GTF3C1: variants seen among roughly 807,000 people sequenced by gnomAD.
GTF3C1 encodes the protein general transcription factor IIIC subunit 1, also known as general transcription factor 3C polypeptide 1.
In GTF3C1, 57 loss-of-function variants were observed where a neutral mutation model predicts 226.7. The observed-to-expected ratio is 0.25, with a 90% confidence interval of 0.20 to 0.31. GTF3C1 has a LOEUF of 0.31. Among genes scored for constraint, GTF3C1 ranks in the 10% least tolerant of loss-of-function variants. GTF3C1 has a pLI of 1.00. For synonymous variants in GTF3C1, 1,090 were observed against 1,084.8 expected, an observed-to-expected ratio of 1.00 and a Z score of -0.09; for missense variants, 2,217 against 2,776.1, an observed-to-expected ratio of 0.80 and a Z score of 4.53.
intron 2 of GTF3C1, among the ~76,000 whole-genome samples, chr16:27,539,396 G>A (rs2089050329): frequency 1.3e-5 from 2 of 152,216 alleles, no homozygotes; most frequent in Admixed American, 1.3e-4. Flanking sequence ...ACTCATTTCT[G>A]TGCTGACACC....
chr16:27,478,226 CA>C (rs1271310853), intron 28 of GTF3C1, among the ~76,000 whole-genome samples: 2 of 151,954 alleles, frequency 1.3e-5, no homozygotes, highest in South Asian at 2.1e-4. Flanking sequence ...TTTGACTGTG[CA>C]GGGGGTCGGC....
rs117718897 is a variant in GTF3C1, at chr16:27,471,156, G to C, written c.4526+592C>G. 2.0e-5 allele frequency among the ~76,000 whole-genome samples: 3 copies of C among 152,264 alleles called. No homozygotes were observed. Among genetic ancestry groups the C allele is most frequent in the Non-Finnish European group, 4.4e-5 (3 of 68,040 alleles). On this transcript the variant is annotated intron_variant, in intron 30 of 36. Transcript: ENST00000356183. The surrounding 1 kb of genome is among the most constrained non-coding windows in gnomAD (Gnocchi z 5.0). ...ACTGCAGCCCCGTGCAGACCTGAGT[G>C]CGGGGAAGGAGAATGGTGTGAAGGG...
At chr16:27,541,754 C>A (rs142327976) in intron 2 of GTF3C1, among the ~76,000 whole-genome samples, 28 of 152,212 alleles carry the variant, frequency 1.8e-4, no homozygotes, top group Non-Finnish European at 4.0e-4. Flanking sequence ...AAGTGCAGTG[C>A]AGAGTGAAGA....
Position 27,489,162 on chromosome 16 carries a change from C to T in GTF3C1, c.3310G>A (p.Val1104Met). 5 of 1,614,190 alleles carry T rather than the reference C, an allele frequency of 3.1e-6. No individual in the cohort carries two copies. Among genetic ancestry groups the T allele is most frequent in the Non-Finnish European group, 4.2e-6 (5 of 1,180,026 alleles). The change falls in exon 21 of 37, where the codon GTG becomes ATG. Residue 1104 changes from valine to methionine, a missense_variant. Val to Met is a conservative substitution (Grantham distance 21). Coordinates refer to ENST00000356183, the MANE Select transcript of GTF3C1 (RefSeq NM_001520.4). ...TCTCCAGGGATCAAGCCTTCATCCA[C>T]CACCTCACGGCTTCCACTAAAAGAC... ...LEYTTGSREV[V>M]DEGLIPGDGL...
At chr16:27,516,070 G>C (rs1467629706) in intron 6 of GTF3C1, among the ~76,000 whole-genome samples, 2 of 152,240 alleles carry the variant, frequency 1.3e-5, no homozygotes, top group East Asian at 3.8e-4. Context: ...ATTCTGAACA[G>C]TACCACCAGC....
At chr16:27,481,328 G>A (rs1052212581) in intron 26 of GTF3C1, 137 bp from the exon 27 acceptor site, 3 of 691,796 alleles carry the variant, frequency 4.3e-6, no homozygotes, top group Admixed American at 4.5e-5. Context: ...TGCCTCCCCT[G>A]GTCACCTGTC....
At chr16:27,545,932 T>C (rs1311311900) in intron 1 of GTF3C1, among the ~76,000 whole-genome samples, 2 of 152,188 alleles carry the variant, frequency 1.3e-5, no homozygotes, top group Non-Finnish European at 2.9e-5. Flanking sequence ...CACTGCAACC[T>C]CCACTTCCCA....
At position 27,471,240 on chromosome 16, in the gene GTF3C1, A is replaced by T. The variant is rs1360142101; in HGVS notation, c.4526+508T>A. Among the ~76,000 whole-genome samples, 3 of 152,196 alleles carry T rather than the reference A, an allele frequency of 2.0e-5. No individual in the cohort carries two copies. Among genetic ancestry groups the T allele is most frequent in the Admixed American group, 2.0e-4 (3 of 15,282 alleles). ...CAGGGACTCTCTGCGTGTGGTCAGGAGGCTGGTGGTGCAACGCCCTCTGCG... is the reference window on the plus strand; with the variant it reads ...CAGGGACTCTCTGCGTGTGGTCAGGTGGCTGGTGGTGCAACGCCCTCTGCG... On this transcript the variant is annotated intron_variant, in intron 30 of 36. Transcript: ENST00000356183. This position sits in a 1 kb window ranked among gnomAD's most constrained non-coding sequence, Gnocchi z 5.0.
chr16:27,513,213 G>A (rs111716814), intron 6 of GTF3C1, among the ~76,000 whole-genome samples: 2 of 152,160 alleles, frequency 1.3e-5, no homozygotes, highest in African/African-American at 2.4e-5. Flanking sequence ...AGCACTTTGG[G>A]AGGCCAAAGC....
At position 27,461,639 on chromosome 16, in the gene GTF3C1, A is replaced by T. The variant is rs1490005562; in HGVS notation, c.6118-77T>A. ...TGATTTATTCTTCAAGCATTTATGGAATGCCCCCTCTGTACCAGGGAGCCA... is the reference window on the plus strand; with the variant it reads ...TGATTTATTCTTCAAGCATTTATGGTATGCCCCCTCTGTACCAGGGAGCCA... On this transcript the variant is annotated intron_variant, in intron 36 of 36. Coordinates refer to ENST00000356183, the MANE Select transcript of GTF3C1 (RefSeq NM_001520.4). This position sits in a 1 kb window ranked among gnomAD's most constrained non-coding sequence, Gnocchi z 5.3. 3 of 1,139,958 alleles carry T rather than the reference A, an allele frequency of 2.6e-6. No individual in the cohort carries two copies. The African/African-American group carries it at 4.5e-5, about 17-fold the overall frequency. The allele number at this position is 1,139,958 out of a possible 1,614,324, so 70.6% of individuals were successfully genotyped here.
intron 29 of GTF3C1, 92 bp downstream of exon 29, chr16:27,476,359 C>A: frequency 1.3e-6 from 1 of 757,756 alleles, no homozygotes; most frequent in Non-Finnish European, 2.3e-6. Context: ...GCCCAAGAGC[C>A]CACAGCGGAG....
chr16:27,465,669 TCACCTGCTGGGTGGA>T, intron 32 of GTF3C1, 129 bp from the exon 33 acceptor site: 1 of 727,072 alleles, frequency 1.4e-6, no homozygotes. Context: ...GCCACAGGGG[TCACCTGCTGGGTGGA>T]CACACTGGGC....
At chr16:27,499,500 C>T (rs2141391538) in intron 12 of GTF3C1, among the ~76,000 whole-genome samples, 1 of 152,326 alleles carries the variant, frequency 6.6e-6, no homozygotes, top group African/African-American at 2.4e-5. Context: ...GCTGTCTGAG[C>T]ATCCACTCTG....
At chr16:27,513,618 G>T (rs1433947227) in intron 6 of GTF3C1, among the ~76,000 whole-genome samples, 1 of 152,110 alleles carries the variant, frequency 6.6e-6, no homozygotes, top group Non-Finnish European at 1.5e-5. Flanking sequence ...GCCAGGGAAT[G>T]AATTCTCTTC....
rs193294803 is a variant in GTF3C1, at chr16:27,507,366, G to C, written c.1243-210C>G. On this transcript the variant is annotated intron_variant, in intron 8 of 36. Transcript: ENST00000356183. This position sits in a 1 kb window ranked among gnomAD's most constrained non-coding sequence, Gnocchi z 4.9. ...CTTCCTTCCACAGAGATCCTTCTCT[G>C]AAGTACAACCCTGAATGTGTGTCTG... 4.6e-5 allele frequency among the ~76,000 whole-genome samples: 7 copies of C among 151,902 alleles called. No individual in the cohort carries two copies. In the East Asian group the frequency reaches 5.8e-4, roughly 13 times the overall value.
At chr16:27,497,130 C>T (rs968651990) in intron 14 of GTF3C1, among the ~76,000 whole-genome samples, 11 of 152,254 alleles carry the variant, frequency 7.2e-5, no homozygotes, top group Non-Finnish European at 1.5e-4. Context: ...TGCTATGGCC[C>T]GGAGAGGAGC....
chr16:27,480,201 CAAAAAA>C (rs35428757), intron 27 of GTF3C1, among the ~76,000 whole-genome samples: 2 of 61,008 alleles, frequency 3.3e-5, no homozygotes, highest in Non-Finnish European at 6.6e-5. Context: ...GACTCCATCT[CAAAAAA>C]AAAAAAAAAA....
In GTF3C1 at chr16:27,505,915, C is replaced by A; in HGVS notation, c.1754G>T (p.Arg585Leu). 6.2e-7 allele frequency: 1 copy of A among 1,605,204 alleles called. No individual in the cohort carries two copies. Among genetic ancestry groups the A allele is most frequent in the South Asian group, 1.1e-5 (1 of 90,828 alleles). The stretch of plus-strand genomic sequence containing the variant: ...TGCACTGACCTTTGGGTTTTCCATC[C>A]GGACCTCCTCGATCACAGCTATGTC... ...SGDIAVIEEVRMENPKESSSS... is the reference protein window; with the variant it reads ...SGDIAVIEEVLMENPKESSSS... The change falls in exon 10 of 37, where the codon CGG becomes CTG. Residue 585 changes from arginine (R) to leucine (L), a missense_variant. Physicochemically the swap from Arg to Leu is moderately radical, Grantham distance 102 (BLOSUM62 -2). Coordinates refer to ENST00000356183, the MANE Select transcript of GTF3C1 (RefSeq NM_001520.4).
At chr16:27,475,455 G>A (rs1459339169) in intron 29 of GTF3C1, among the ~76,000 whole-genome samples, 2 of 152,158 alleles carry the variant, frequency 1.3e-5, no homozygotes, top group East Asian at 3.9e-4. Context: ...AATACAAAAT[G>A]AACGGGTCCT....
Sources: gnomAD v4.1 joint callset for allele counts (sites outside exome capture counted in the v4.1 genomes callset) on GRCh38, gnomAD v4.1.1 for gene constraint, Gnocchi (gnomAD v3.1) non-coding constraint, MANE v1.5 for transcripts, NCBI Gene and HGNC (gene_info 2026-07-23, HGNC 2026-07-21) for gene names.